Variants in CHRM3 observed in about 807,000 individuals in gnomAD.
The protein encoded by CHRM3 is muscarinic acetylcholine receptor M3.
Under a neutral mutation model 41.8 loss-of-function variants are expected in CHRM3, and 11 were observed. The ratio of observed to expected loss-of-function variants is 0.26; its 90% CI spans 0.17 to 0.44. CHRM3 has a LOEUF of 0.44. CHRM3 is among the 20% of genes least tolerant of loss of function. The pLI is 1.00. For synonymous variants in CHRM3, 297 were observed against 301.4 expected (o/e 0.99, Z 0.15); for missense variants, 571 against 745.4 (o/e 0.77, Z 2.72).
At chr1:239,806,949 A>G (rs946153633) in intron 5 of CHRM3, among the ~76,000 whole-genome samples, 13 of 152,344 alleles carry the variant, frequency 8.5e-5, no homozygotes, top group South Asian at 2.1e-4. Flanking sequence ...CCGTCATTCC[A>G]TAGGCTGCAC....
At chr1:239,471,358 G>A (rs747931303) in intron 1 of CHRM3, among the ~76,000 whole-genome samples, 11 of 152,242 alleles carry the variant, frequency 7.2e-5, no homozygotes, top group East Asian at 1.9e-4. Context: ...GAGTAAAGAC[G>A]TTAATTACAT....
chr1:239,770,460 G>A (rs16838919), intron 5 of CHRM3, among the ~76,000 whole-genome samples: 1 of 152,136 alleles, frequency 6.6e-6, no homozygotes, highest in African/African-American at 2.4e-5. Flanking sequence ...ATATAGACAG[G>A]AAATATATGC....
At chr1:239,457,224 TA>T (rs1404840426) in intron 1 of CHRM3, among the ~76,000 whole-genome samples, 1 of 152,174 alleles carries the variant, frequency 6.6e-6, no homozygotes, top group Non-Finnish European at 1.5e-5. Context: ...TTCGCAACTG[TA>T]AACTGGGAAT....
intron 5 of CHRM3, among the ~76,000 whole-genome samples, chr1:239,826,154 A>C (rs1002900471): frequency 6.6e-6 from 1 of 152,164 alleles, no homozygotes; most frequent in Non-Finnish European, 1.5e-5. Flanking sequence ...TCTTAATGCC[A>C]CTGAATTTTA....
chr1:239,526,469 G>A (rs1396752601), intron 2 of CHRM3, among the ~76,000 whole-genome samples: 1 of 152,130 alleles, frequency 6.6e-6, no homozygotes, highest in African/African-American at 2.4e-5. Flanking sequence ...CTCGCCTACT[G>A]GATTTGACCT....
chr1:239,394,135 G>A (rs1423446498), intron 1 of CHRM3, among the ~76,000 whole-genome samples: 2 of 152,118 alleles, frequency 1.3e-5, no homozygotes, highest in Non-Finnish European at 2.9e-5. Flanking sequence ...GGGTTGGAAG[G>A]GGATGTTAGA....
intron 6 of CHRM3, among the ~76,000 whole-genome samples, chr1:239,892,526 A>G (rs1232068461): frequency 1.3e-5 from 2 of 152,218 alleles, no homozygotes; most frequent in East Asian, 3.8e-4. Context: ...TTGCATATTT[A>G]TTAATTATTT....
intron 1 of CHRM3, among the ~76,000 whole-genome samples, chr1:239,432,850 C>T (rs1053163730): frequency 2.6e-5 from 4 of 152,078 alleles, no homozygotes; most frequent in Admixed American, 6.6e-5. Context: ...GCCATTTTCA[C>T]GGGTTCTTTT....
chr1:239,575,351 G>A (rs796539186), intron 3 of CHRM3, among the ~76,000 whole-genome samples: 2 of 152,068 alleles, frequency 1.3e-5, no homozygotes, highest in Admixed American at 6.6e-5. Flanking sequence ...TTATACCTCC[G>A]GCTGACTAAA....
At chr1:239,503,397 C>T (rs1668369474) in intron 2 of CHRM3, among the ~76,000 whole-genome samples, 1 of 152,100 alleles carries the variant, frequency 6.6e-6, no homozygotes, top group Admixed American at 6.6e-5. Flanking sequence ...CAAAACACTG[C>T]TGAAAGAAAT....
intron 6 of CHRM3, among the ~76,000 whole-genome samples, chr1:239,887,879 T>C (rs887046692): frequency 6.6e-6 from 1 of 152,210 alleles, no homozygotes; most frequent in African/African-American, 2.4e-5. Context: ...TTTGTATTTA[T>C]TTTGTTAAAG....
chr1:239,740,340 C>CT (rs953677514), intron 5 of CHRM3, among the ~76,000 whole-genome samples: 67 of 145,624 alleles, frequency 4.6e-4, no homozygotes, highest in South Asian at 2.1e-3. Context: ...AAAATTGTTT[C>CT]TTTTTTTTTT....
At chr1:239,642,533 T>C (rs1275787285) in intron 4 of CHRM3, among the ~76,000 whole-genome samples, 1 of 152,222 alleles carries the variant, frequency 6.6e-6, no homozygotes, top group Non-Finnish European at 1.5e-5. Context: ...CCATCACTGA[T>C]ACCTCTTCTT....
At position 239,643,664 on chromosome 1, in the gene CHRM3, C is replaced by T. The variant is rs1033910292; in HGVS notation, c.-250+11378C>T. On this transcript the variant is annotated intron_variant, in intron 4 of 6. Coordinates refer to ENST00000676153, the MANE Select transcript of CHRM3 (RefSeq NM_001375978.1). ...GGGAGTGACCCGATTTTCCAGATGC[C>T]GTCTGTCACCCCTTTCTTTGACTAG... 5.3e-5 allele frequency among the ~76,000 whole-genome samples: 8 copies of T among 152,170 alleles called. 1 individual carries two copies. Among genetic ancestry groups the T allele is most frequent in the African/African-American group, 1.9e-4 (8 of 41,442 alleles).
At chr1:239,584,352 C>A (rs1424855118) in intron 3 of CHRM3, among the ~76,000 whole-genome samples, 1 of 151,960 alleles carries the variant, frequency 6.6e-6, no homozygotes, top group Non-Finnish European at 1.5e-5. Context: ...GATCTGCCCG[C>A]CTCAGCCTCC....
intron 3 of CHRM3, among the ~76,000 whole-genome samples, chr1:239,600,002 A>G (rs1665311730): frequency 1.3e-5 from 2 of 152,104 alleles, no homozygotes; most frequent in Non-Finnish European, 2.9e-5. Flanking sequence ...GTAAGAACTG[A>G]TTTCTCCCTC....
intron 3 of CHRM3, among the ~76,000 whole-genome samples, chr1:239,565,842 G>C (rs556016306): frequency 6.7e-6 from 1 of 148,866 alleles, no homozygotes; most frequent in Non-Finnish European, 1.5e-5. Context: ...AATGATATAT[G>C]TTAATATATG....
intron 5 of CHRM3, among the ~76,000 whole-genome samples, chr1:239,823,904 T>C (rs1672248765): frequency 6.6e-6 from 1 of 152,132 alleles, no homozygotes; most frequent in Non-Finnish European, 1.5e-5. Flanking sequence ...AAGGAAACTA[T>C]AACTGTGTAA....
chr1:239,792,525 C>T (rs1053115188), intron 5 of CHRM3, among the ~76,000 whole-genome samples: 5 of 152,340 alleles, frequency 3.3e-5, no homozygotes, highest in East Asian at 1.9e-4. Flanking sequence ...TCAATATGAA[C>T]ATGCATTTTA....
Sources: allele counts gnomAD v4.1 joint callset (sites outside exome capture counted in the v4.1 genomes callset), GRCh38; gene constraint gnomAD v4.1.1; transcripts MANE v1.5; gene names NCBI Gene and HGNC (gene_info 2026-07-23, HGNC 2026-07-21).